The following ZMAT4 variants were observed in gnomAD, a reference collection of about 807,000 sequenced individuals.
The protein encoded by ZMAT4 is zinc finger matrin-type 4.
A neutral mutation model predicts 28.7 loss-of-function variants in ZMAT4; 17 were observed. The observed-to-expected ratio is 0.59, with a 90% CI of 0.41 to 0.89. The LOEUF is 0.89. ZMAT4 is among the 40% of genes least tolerant of loss of function. The pLI, the probability that ZMAT4 is intolerant of heterozygous loss-of-function variation, is 0.00. For synonymous variants in ZMAT4, 117 were observed against 109.2 expected (o/e 1.07, Z -0.44); for missense variants, 240 against 283.8 (o/e 0.85, Z 1.11).
intron 3 of ZMAT4, among the ~76,000 whole-genome samples, chr8:40,750,327 GC>G (rs1219055822): frequency 5.9e-5 from 9 of 152,168 alleles, no homozygotes; most frequent in African/African-American, 2.2e-4. Flanking sequence ...CATGGGGAAT[GC>G]CCAGAGGTTA....
chr8:40,690,692 C>A (rs150649642), intron 4 of ZMAT4, among the ~76,000 whole-genome samples: 1 of 152,134 alleles, frequency 6.6e-6, no homozygotes, highest in South Asian at 2.1e-4. Flanking sequence ...ATTTATGTAA[C>A]TTTCAAGCAG....
chr8:40,769,877 G>A (rs1463227776), intron 2 of ZMAT4, among the ~76,000 whole-genome samples: 1 of 151,538 alleles, frequency 6.6e-6, no homozygotes, highest in Non-Finnish European at 1.5e-5. Flanking sequence ...TTTAATTACA[G>A]CTAGACAAAC....
At chr8:40,749,817 A>G (rs1333511972) in intron 3 of ZMAT4, among the ~76,000 whole-genome samples, 1 of 152,208 alleles carries the variant, frequency 6.6e-6, no homozygotes, top group Admixed American at 6.5e-5. Context: ...AGGTGACCTC[A>G]CTTTTGATCT....
chr8:40,711,299 TG>T (rs1480968163), intron 3 of ZMAT4, among the ~76,000 whole-genome samples: 1 of 151,948 alleles, frequency 6.6e-6, no homozygotes, highest in Non-Finnish European at 1.5e-5. Context: ...AATTAATCAA[TG>T]AAAAAAATAG....
chr8:40,755,531 C>A (rs941830980), intron 3 of ZMAT4, among the ~76,000 whole-genome samples: 2 of 152,170 alleles, frequency 1.3e-5, no homozygotes, highest in African/African-American at 4.8e-5. Flanking sequence ...CGGCTCACTG[C>A]AACCTCCGCC....
chr8:40,863,383 G>A (rs567545176), intron 1 of ZMAT4, among the ~76,000 whole-genome samples: 89 of 152,332 alleles, frequency 5.8e-4, no homozygotes, highest in Non-Finnish European at 1.1e-3. Flanking sequence ...GAGGTACAAA[G>A]GAAATCAGTA....
chr8:40,613,650 C>T (rs1805886519), intron 5 of ZMAT4, among the ~76,000 whole-genome samples: 1 of 152,184 alleles, frequency 6.6e-6, no homozygotes, highest in African/African-American at 2.4e-5. Context: ...TCTTATCTGT[C>T]ATCTTGGATT....
intron 1 of ZMAT4, among the ~76,000 whole-genome samples, chr8:40,836,564 T>C (rs1816496996): frequency 6.6e-6 from 1 of 152,148 alleles, no homozygotes; most frequent in South Asian, 2.1e-4. Context: ...CAAACCAGAA[T>C]ACAGACGAAT....
chr8:40,676,090 A>G (rs1423481133), intron 4 of ZMAT4, among the ~76,000 whole-genome samples: 2 of 152,212 alleles, frequency 1.3e-5, no homozygotes, highest in East Asian at 1.9e-4. Context: ...TACAAGGACT[A>G]TGACTTGGCC....
At chr8:40,799,155 C>CTGGCTGGA (rs61064515) in intron 2 of ZMAT4, among the ~76,000 whole-genome samples, 34,471 of 146,056 alleles carry the variant, frequency 0.24, 4,281 homozygotes, top group East Asian at 0.41. Flanking sequence ...GGCTGGCTGG[C>CTGGCTGGA]TGGATGGATG....
At chr8:40,825,442 G>A in intron 2 of ZMAT4, 133 bp downstream of exon 2, 1 of 701,156 alleles carries the variant, frequency 1.4e-6, no homozygotes, top group South Asian at 1.8e-5. Context: ...CTTGACCTCA[G>A]ACTGTACAGG....
At chr8:40,741,152 A>T (rs2150534671) in intron 3 of ZMAT4, among the ~76,000 whole-genome samples, 1 of 152,304 alleles carries the variant, frequency 6.6e-6, no homozygotes, top group Admixed American at 6.5e-5. Context: ...TGAAGGTTTA[A>T]AAAAGACATT....
At chr8:40,818,729 G>A (rs1815638794) in intron 2 of ZMAT4, among the ~76,000 whole-genome samples, 1 of 152,204 alleles carries the variant, frequency 6.6e-6, no homozygotes, top group South Asian at 2.1e-4. Context: ...CTCAAGTCCG[G>A]TTGGGGCAGT....
intron 5 of ZMAT4, among the ~76,000 whole-genome samples, chr8:40,632,991 G>A (rs956205919): frequency 5.3e-5 from 8 of 152,174 alleles, no homozygotes; most frequent in Non-Finnish European, 1.2e-4. Context: ...AGGACTCACT[G>A]TCATGGACTT....
intron 5 of ZMAT4, among the ~76,000 whole-genome samples, chr8:40,638,063 A>T (rs1806862128): frequency 6.6e-6 from 1 of 152,242 alleles, no homozygotes; most frequent in Non-Finnish European, 1.5e-5. Flanking sequence ...AAGCAAGATC[A>T]GTAAATGGAT....
chr8:40,695,327 G>A (rs908767723), intron 4 of ZMAT4, among the ~76,000 whole-genome samples: 5 of 152,214 alleles, frequency 3.3e-5, no homozygotes, highest in Non-Finnish European at 1.5e-5. Context: ...AGCTTCCTAG[G>A]CCCTCTGATC....
intron 3 of ZMAT4, among the ~76,000 whole-genome samples, chr8:40,732,542 A>G (rs1478704828): frequency 3.9e-5 from 6 of 152,232 alleles, no homozygotes; most frequent in African/African-American, 1.2e-4. Context: ...TCTCCCTGGT[A>G]GGAACAGGCA....
intron 6 of ZMAT4, among the ~76,000 whole-genome samples, chr8:40,547,415 T>A (rs376972262): frequency 6.6e-6 from 1 of 152,204 alleles, no homozygotes; most frequent in Non-Finnish European, 1.5e-5. Context: ...AGCATTTCAC[T>A]GTTTGGAAAT....
chr8:40,802,563 T>C (rs1814896962), intron 2 of ZMAT4, among the ~76,000 whole-genome samples: 1 of 152,070 alleles, frequency 6.6e-6, no homozygotes, highest in Admixed American at 6.6e-5. Flanking sequence ...AAATCAAAGA[T>C]GAACTAAATA....
Sources: gnomAD v4.1 joint callset for allele counts (sites outside exome capture counted in the v4.1 genomes callset) on GRCh38, gnomAD v4.1.1 for gene constraint, MANE v1.5 for transcripts, NCBI Gene and HGNC (gene_info 2026-07-23, HGNC 2026-07-21) for gene names.